SCAPER: variants seen among roughly 807,000 people sequenced by gnomAD.
SCAPER encodes S phase cyclin A-associated protein in the endoplasmic reticulum.
A neutral mutation model predicts 182.2 loss-of-function variants in SCAPER; 98 were observed. The observed-to-expected ratio is 0.54, with a 90% CI of 0.46 to 0.64. The LOEUF is 0.64. Among genes scored for constraint, SCAPER ranks in the 30% least tolerant of loss-of-function variants. The pLI is 0.00. For synonymous variants in SCAPER, 605 were observed against 564.6 expected (o/e 1.07, Z -1.01); for missense variants, 1,432 against 1,690.0 (o/e 0.85, Z 2.68).
intron 21 of SCAPER, among the ~76,000 whole-genome samples, chr15:76,631,991 C>CT (rs2053156186): frequency 6.6e-6 from 1 of 152,208 alleles, no homozygotes; most frequent in East Asian, 1.9e-4. Flanking sequence ...CCTTTTCTTT[C>CT]TTTTTTCTCT....
At position 76,899,853 on chromosome 15, in the gene SCAPER, G is replaced by A. The variant is rs1034360659; in HGVS notation, c.-60+5446C>T. Among the ~76,000 whole-genome samples, 22 of 152,314 alleles carry A rather than the reference G, an allele frequency of 1.4e-4. 1 individual carries two copies. The highest frequency in any genetic ancestry group is 4.1e-4 in the South Asian group (2 of 4,820). ...TACCCAACAGCTCCGAAGAGACAGC[G>A]ACTATCGAGAACGGGCCATGATGAC... On this transcript the variant is annotated intron_variant, in intron 1 of 31. Transcript: ENST00000563290.
intron 23 of SCAPER, among the ~76,000 whole-genome samples, chr15:76,532,632 G>A (rs1446455390): frequency 6.6e-6 from 1 of 152,022 alleles, no homozygotes; most frequent in East Asian, 1.9e-4. Context: ...ATTTCTCACT[G>A]CAATCTCTAT....
At chr15:76,815,788 T>A (rs1199657388) in intron 5 of SCAPER, among the ~76,000 whole-genome samples, 1 of 152,112 alleles carries the variant, frequency 6.6e-6, no homozygotes, top group Non-Finnish European at 1.5e-5. Flanking sequence ...GGTGGAACAG[T>A]TTCATCCTGA....
chr15:76,775,253 AAATGTATATTTGT>A, intron 8 of SCAPER, 136 bp from the exon 9 acceptor site: 1 of 735,258 alleles, frequency 1.4e-6, no homozygotes, highest in Non-Finnish European at 2.1e-6. Context: ...GTATTATACA[AAATGTATATTTGT>A]ATATACATAT....
chr15:76,771,763 C>A lies in SCAPER; in HGVS notation c.1227G>T (p.Met409Ile), dbSNP rs1368198486. Reference sequence around the variant, plus strand: ...TCACATTTGAAATATCTGAAGGGTCCATTTCATTTTCTATCCTTGCTTTCT... The same window carrying A: ...TCACATTTGAAATATCTGAAGGGTCAATTTCATTTTCTATCCTTGCTTTCT... ...PAEKARIENE[M>I]DPSDISNSMA... is the part of the protein sequence containing the mutation. The change falls in exon 10 of 32, where the codon ATG becomes ATT. Residue 409 changes from methionine to isoleucine, a missense_variant. Physicochemically the swap from Met to Ile is conservative, Grantham distance 10. This residue lies in a region of SCAPER where 480 missense variants were observed against 510.2 expected (regional missense o/e 0.94). Transcript: ENST00000563290. 1 of 1,612,674 alleles carries A rather than the reference C, an allele frequency of 6.2e-7. No individual in the cohort carries two copies. The highest frequency in any genetic ancestry group is 1.7e-5 in the Admixed American group (1 of 59,986).
intron 23 of SCAPER, among the ~76,000 whole-genome samples, chr15:76,551,428 A>C (rs1295212346): frequency 2.6e-5 from 4 of 152,208 alleles, no homozygotes; most frequent in African/African-American, 9.6e-5. Context: ...CACTTGGAGG[A>C]CATTATGTTA....
At chr15:76,476,036 T>C (rs2050600291) in intron 24 of SCAPER, among the ~76,000 whole-genome samples, 1 of 152,172 alleles carries the variant, frequency 6.6e-6, no homozygotes, top group Non-Finnish European at 1.5e-5. Flanking sequence ...TATTCTCCCC[T>C]ACACAAACAG....
At chr15:76,671,171 C>A (rs994500274) in intron 20 of SCAPER, among the ~76,000 whole-genome samples, 1 of 151,900 alleles carries the variant, frequency 6.6e-6, no homozygotes, top group Admixed American at 6.6e-5. Context: ...AAAACCCCAT[C>A]TTCACAAAAT....
chr15:76,744,767 C>T (rs1395336783), intron 15 of SCAPER, among the ~76,000 whole-genome samples: 1 of 152,150 alleles, frequency 6.6e-6, no homozygotes, highest in South Asian at 2.1e-4. Context: ...TTTGACCCAG[C>T]AATTCCATTA....
At chr15:76,849,367 A>G (rs1182313834) in intron 4 of SCAPER, among the ~76,000 whole-genome samples, 1 of 152,198 alleles carries the variant, frequency 6.6e-6, no homozygotes, top group Non-Finnish European at 1.5e-5. Flanking sequence ...GACAAACTGC[A>G]ATCAACCCAA....
rs745339468 is a variant in SCAPER at position 76,775,105 on chromosome 15, G to C, written c.785C>G (p.Ala262Gly). The part of the protein sequence containing the change: ...KASRKNERKD[A>G]EGWETVQRGR... ...TCTCTGAACGGTCTCCCATCCTTCA[G>C]CATCTTTCCGTTCTATGCAATTAAA... Residue 262 changes from alanine to glycine, a missense_variant, in exon 9 of 32, where the codon GCT (alanine) becomes GGT (glycine). Physicochemically the swap from Ala to Gly is moderately conservative, Grantham distance 60. Around this residue, in one of 5 missense-constraint regions of SCAPER, gnomAD observed 480 missense variants for 510.2 expected, o/e 0.94. Coordinates refer to ENST00000563290, the MANE Select transcript of SCAPER (RefSeq NM_020843.4). 1.9e-6 allele frequency: 3 copies of C among 1,611,876 alleles called. No individual in the cohort carries two copies. The South Asian group carries it at 3.3e-5, about 18-fold the overall frequency.
chr15:76,882,728 G>A (rs1165933955), intron 2 of SCAPER, among the ~76,000 whole-genome samples: 2 of 152,162 alleles, frequency 1.3e-5, no homozygotes, highest in African/African-American at 2.4e-5. Flanking sequence ...GCAGTGGCAC[G>A]ATCTTGGCTC....
intron 5 of SCAPER, among the ~76,000 whole-genome samples, chr15:76,838,903 G>A (rs1227298487): frequency 6.6e-6 from 1 of 152,072 alleles, no homozygotes; most frequent in Non-Finnish European, 1.5e-5. Flanking sequence ...TCAAAATTTT[G>A]TGAGAACAAA....
chr15:76,404,856 T>C (rs181441934), intron 26 of SCAPER, among the ~76,000 whole-genome samples, 177 bp from the exon 27 acceptor site: 54 of 152,326 alleles, frequency 3.5e-4, no homozygotes, highest in African/African-American at 1.3e-3. Context: ...AATAATCAGC[T>C]CTTTCTGTAA....
At chr15:76,794,087 C>G (rs2065168440) in intron 8 of SCAPER, among the ~76,000 whole-genome samples, 1 of 152,196 alleles carries the variant, frequency 6.6e-6, no homozygotes. Context: ...GCTTTTCCCA[C>G]AGAATGGCAT....
intron 24 of SCAPER, among the ~76,000 whole-genome samples, chr15:76,488,580 C>G (rs1596976015): frequency 6.6e-6 from 1 of 151,958 alleles, no homozygotes; most frequent in South Asian, 2.1e-4. Context: ...ATGCTCACTA[C>G]AAGTACTTAT....
At chr15:76,835,181 T>C (rs2068822508) in intron 5 of SCAPER, among the ~76,000 whole-genome samples, 2 of 151,544 alleles carry the variant, frequency 1.3e-5, no homozygotes, top group Admixed American at 6.6e-5. Flanking sequence ...CCATTCACAA[T>C]AGCCACACAC....
intron 20 of SCAPER, among the ~76,000 whole-genome samples, chr15:76,669,179 TTTCCAA>T (rs2056835461): frequency 1.3e-5 from 2 of 151,596 alleles, no homozygotes; most frequent in African/African-American, 4.9e-5. Context: ...TTGTGCTCAC[TTTCCAA>T]ATTATGAACC....
chr15:76,411,275 C>A (rs1238626402), intron 26 of SCAPER, among the ~76,000 whole-genome samples: 1 of 152,078 alleles, frequency 6.6e-6, no homozygotes, highest in Non-Finnish European at 1.5e-5. Flanking sequence ...GTTGAGCATG[C>A]CCAACCTGAA....
Sources: gnomAD v4.1 joint callset for allele counts (sites outside exome capture counted in the v4.1 genomes callset) on GRCh38, gnomAD v4.1.1 for gene constraint, gnomAD v4.1.1 regional missense constraint, MANE v1.5 for transcripts, NCBI Gene and HGNC (gene_info 2026-07-23, HGNC 2026-07-21) for gene names.